Variants in ZFHX3 observed in about 807,000 individuals in gnomAD.
ZFHX3 encodes zinc finger homeobox protein 3.
Under a neutral mutation model 279.1 loss-of-function variants are expected in ZFHX3, and 42 were observed. The ratio of observed to expected loss-of-function variants is 0.15; its 90% CI spans 0.12 to 0.19. ZFHX3 has a LOEUF of 0.19. Ranked by LOEUF, ZFHX3 falls within the 10% of genes least tolerant of loss-of-function variation. The probability of loss-of-function intolerance (pLI) is 1.00; values close to 1 mark genes in which losing one functional copy is unlikely to be tolerated. For missense variants in ZFHX3, 4,981 were observed against 4,754.0 expected (o/e 1.05, Z -1.40); for synonymous variants, 2,293 against 1,957.8 (o/e 1.17, Z -4.52).
chr16:72,787,496 T>C lies in ZFHX3; in HGVS notation c.10780A>G (p.Asn3594Asp), dbSNP rs201875780. Residue 3594 changes from asparagine to aspartate, a missense_variant, in exon 10 of 10, where the codon AAC (asparagine) becomes GAC (aspartate). Physicochemically the swap from Asn to Asp is conservative, Grantham distance 23 (BLOSUM62 1). Coordinates refer to ENST00000268489, the MANE Select transcript of ZFHX3 (RefSeq NM_006885.4). The part of the protein sequence containing the change: ...ASTSQSAAHS[N>D]DSPPPPSAAA... Reference sequence around the variant, plus strand: ...GCCGACGGGGGAGGGGGGCTGTCGTTTGAGTGAGCGGCAGACTGCGAGGTA... The same window carrying C: ...GCCGACGGGGGAGGGGGGCTGTCGTCTGAGTGAGCGGCAGACTGCGAGGTA... The C allele has an allele frequency of 6.1e-5, 99 of 1,612,492 alleles. No individual in the cohort carries two copies. Among genetic ancestry groups the C allele is most frequent in the Non-Finnish European group, 7.8e-5 (92 of 1,179,286 alleles).
intron 1 of ZFHX3, among the ~76,000 whole-genome samples, chr16:73,811,438 CTTTTTTTTTTTT>C (rs34134056): frequency 2.8e-5 from 3 of 106,568 alleles, no homozygotes; most frequent in Non-Finnish European, 5.6e-5. Context: ...TCAGTCTCTT[CTTTTTTTTTTTT>C]TTTTTTTTTT....
chr16:73,413,354 A>C (rs7202900), intron 3 of ZFHX3, among the ~76,000 whole-genome samples: 2 of 151,954 alleles, frequency 1.3e-5, no homozygotes, highest in Non-Finnish European at 2.9e-5. Flanking sequence ...TGACCTGTAC[A>C]TAAGGGAGTG....
chr16:73,337,892 C>CTG (rs1555510883), intron 3 of ZFHX3, among the ~76,000 whole-genome samples: 1 of 79,162 alleles, frequency 1.3e-5, no homozygotes, highest in South Asian at 3.9e-4. Context: ...CTTCCCTTGG[C>CTG]GGGGGGGGGG....
chr16:73,032,178 T>G (rs1289791537), intron 1 of ZFHX3, among the ~76,000 whole-genome samples: 2 of 152,048 alleles, frequency 1.3e-5, no homozygotes, highest in Non-Finnish European at 2.9e-5. Flanking sequence ...ATGCCTACAG[T>G]CCGAGCTACT....
chr16:73,000,402 T>G (rs1310060834), intron 1 of ZFHX3, among the ~76,000 whole-genome samples: 3 of 152,342 alleles, frequency 2.0e-5, no homozygotes, highest in Non-Finnish European at 4.4e-5. Flanking sequence ...CTTGTTCTAG[T>G]GGGAGGACTC....
In ZFHX3 at chr16:72,863,340, T is replaced by TAAAAAAA. The variant is rs66692129; in HGVS notation, c.3448+26384_3448+26390dup. ...CAACACGGCAAAATCTCATCTCTACTAAAAAAAAAAAAAAAAAAAAAAAAA... is the reference window on the plus strand; with the variant it reads ...CAACACGGCAAAATCTCATCTCTACTAAAAAAAAAAAAAAAAAAAAAAAAAAAAAAAA... On this transcript the variant is annotated intron_variant, in intron 4 of 9. Coordinates refer to ENST00000268489, the MANE Select transcript of ZFHX3 (RefSeq NM_006885.4). Among the ~76,000 whole-genome samples the TAAAAAAA allele has an allele frequency of 6.8e-4, 44 of 64,630 alleles. 2 individuals are homozygous for TAAAAAAA. Among genetic ancestry groups the TAAAAAAA allele is most frequent in the African/African-American group, 3.0e-3 (41 of 13,536 alleles). The allele number at this position is 64,630 out of a possible 152,430, so 42.4% of individuals were successfully genotyped here.
intron 5 of ZFHX3, among the ~76,000 whole-genome samples, chr16:73,153,057 G>C (rs549978622): frequency 6.6e-6 from 1 of 152,188 alleles, no homozygotes; most frequent in South Asian, 2.1e-4. Context: ...TCAGATTTTA[G>C]CATCTCCTCA....
intron 2 of ZFHX3, among the ~76,000 whole-genome samples, chr16:73,637,680 T>A (rs1305775108): frequency 6.6e-6 from 1 of 152,116 alleles, no homozygotes. Context: ...AAGGATTCCA[T>A]GAAGCAAGAG....
At chr16:73,311,589 CAAAAAA>C (rs1156241061) in intron 4 of ZFHX3, among the ~76,000 whole-genome samples, 1 of 27,978 alleles carries the variant, frequency 3.6e-5, no homozygotes, top group African/African-American at 1.7e-4. Flanking sequence ...TACTCCATCT[CAAAAAA>C]AAAAAAAAAA....
At chr16:73,833,307 G>A (rs1336812111) in intron 1 of ZFHX3, among the ~76,000 whole-genome samples, 1 of 152,132 alleles carries the variant, frequency 6.6e-6, no homozygotes, top group Non-Finnish European at 1.5e-5. Flanking sequence ...AGGCTGCAGT[G>A]AGCCATGATC....
intron 1 of ZFHX3, among the ~76,000 whole-genome samples, chr16:72,998,595 G>A (rs999701824): frequency 4.6e-5 from 7 of 152,130 alleles, no homozygotes; most frequent in Admixed American, 3.3e-4. Context: ...GGCTCAGGGC[G>A]AACCAGCCAC....
chr16:72,786,445 T>G lies in ZFHX3; in HGVS notation c.*719A>C, dbSNP rs1327681448. The G allele has an allele frequency of 6.6e-6, 1 of 151,122 alleles. No homozygotes were observed. Among genetic ancestry groups the G allele is most frequent in the Non-Finnish European group, 1.5e-5 (1 of 67,712 alleles). 9.4% of individuals were successfully genotyped at this position (151,122 alleles called of 1,614,324 possible). A position where few individuals can be genotyped will look rare whatever the true frequency, so the allele number is the denominator to read the frequency against. ...TTTTTTTTTTTGAAAGTGGGAGTGC[T>G]TAACTTTTCCCCTTGAAATTGGCTT... On this transcript the variant is annotated 3_prime_UTR_variant, in exon 10 of 10. Transcript: ENST00000268489.
At chr16:73,291,213 A>G (rs1378123462) in intron 4 of ZFHX3, among the ~76,000 whole-genome samples, 1 of 151,994 alleles carries the variant, frequency 6.6e-6, no homozygotes, top group Non-Finnish European at 1.5e-5. Context: ...CAAACCCCAC[A>G]CCAGCTCTGT....
intron 3 of ZFHX3, among the ~76,000 whole-genome samples, chr16:73,344,308 C>A (rs545691899): frequency 6.6e-6 from 1 of 152,118 alleles, no homozygotes; most frequent in Non-Finnish European, 1.5e-5. Flanking sequence ...TCAGACAAAC[C>A]CAAATTGAGT....
At chr16:72,901,586 C>T (rs894359206) in intron 3 of ZFHX3, among the ~76,000 whole-genome samples, 1 of 152,170 alleles carries the variant, frequency 6.6e-6, no homozygotes, top group African/African-American at 2.4e-5. Context: ...TCTAAATCAA[C>T]ACTTCTGGCG....
At chr16:73,513,922 C>T (rs2019477086) in intron 2 of ZFHX3, among the ~76,000 whole-genome samples, 1 of 152,006 alleles carries the variant, frequency 6.6e-6, no homozygotes, top group South Asian at 2.1e-4. Context: ...TTCAGAGAGG[C>T]AGAAAGGGTT....
chr16:73,761,154 A>G (rs1346684761), intron 1 of ZFHX3, among the ~76,000 whole-genome samples: 1 of 152,166 alleles, frequency 6.6e-6, no homozygotes, highest in Non-Finnish European at 1.5e-5. Context: ...TACAAAATCA[A>G]TGTGCAAAAA....
chr16:73,237,119 T>A (rs1158126356), intron 5 of ZFHX3, among the ~76,000 whole-genome samples: 1 of 152,216 alleles, frequency 6.6e-6, no homozygotes, highest in Admixed American at 6.5e-5. Context: ...GAGAGAGGAC[T>A]TGCCTAAGGT....
chr16:73,736,096 G>A (rs1174693190), intron 1 of ZFHX3, among the ~76,000 whole-genome samples: 1 of 152,042 alleles, frequency 6.6e-6, no homozygotes, highest in Non-Finnish European at 1.5e-5. Flanking sequence ...CCTTGAGGCA[G>A]CATGCCATCT....
Sources: gnomAD v4.1 joint callset for allele counts (sites outside exome capture counted in the v4.1 genomes callset) on GRCh38, gnomAD v4.1.1 for gene constraint, MANE v1.5 for transcripts, NCBI Gene and HGNC (gene_info 2026-07-23, HGNC 2026-07-21) for gene names.